Variants in SCN11A observed in about 807,000 individuals in gnomAD.
SCN11A encodes the protein sodium channel protein type 11 subunit alpha.
SCN11A carries 122 observed loss-of-function variants against 162.2 expected under a neutral mutation model. The ratio of observed to expected loss-of-function variants is 0.75; its 90% CI spans 0.65 to 0.87. SCN11A has a LOEUF of 0.87. Among genes scored for constraint, SCN11A ranks in the 40% least tolerant of loss-of-function variants. SCN11A has a pLI of 0.00. For synonymous variants in SCN11A, 758 were observed against 751.5 expected, an observed-to-expected ratio of 1.01 and a Z score of -0.14; for missense variants, 2,015 against 2,181.6, an observed-to-expected ratio of 0.92 and a Z score of 1.52.
At chr3:38,964,159 A>C (rs780361214) in intron 2 of SCN11A, among the ~76,000 whole-genome samples, 3 of 152,202 alleles carry the variant, frequency 2.0e-5, no homozygotes, top group Non-Finnish European at 4.4e-5. Context: ...TCAACAACAG[A>C]CACGTTCAGA....
In SCN11A at chr3:38,899,978, G is replaced by A. The variant is rs1257277372; in HGVS notation, c.1938C>T (p.Ser646=). 6.2e-7 allele frequency: 1 copy of A among 1,613,908 alleles called. No homozygotes were observed. Among genetic ancestry groups the A allele is most frequent in the Non-Finnish European group, 8.5e-7 (1 of 1,179,942 alleles). ...CTGCAAAACTCAGAAGAGCAACAAT[G>A]CTGTCAAAAATGTTCCAGCCTCGGC... The part of the protein sequence containing the change: ...YFRRGWNIFD[S]IVALLSFADV... The change falls in exon 17 of 30, where the codon AGC becomes AGT. Residue 646 remains serine (S), a synonymous_variant. Coordinates refer to ENST00000302328, the MANE Select transcript of SCN11A (RefSeq NM_001349253.2).
At chr3:39,036,238 G>A (rs1379924141) in intron 1 of SCN11A, among the ~76,000 whole-genome samples, 1 of 152,126 alleles carries the variant, frequency 6.6e-6, no homozygotes, top group East Asian at 1.9e-4. Flanking sequence ...CCGCCTCCCA[G>A]GTTCAAGAGA....
At chr3:39,048,232 G>A (rs1357891474) in intron 1 of SCN11A, among the ~76,000 whole-genome samples, 4 of 152,154 alleles carry the variant, frequency 2.6e-5, no homozygotes, top group South Asian at 2.1e-4. Flanking sequence ...GGATAGCACC[G>A]GAGGTCATTA....
At chr3:38,910,264 T>G in intron 11 of SCN11A, 57 bp from the exon 12 acceptor site, 1 of 1,545,930 alleles carries the variant, frequency 6.5e-7, no homozygotes, top group Non-Finnish European at 8.8e-7. Context: ...AAGCTTCTTT[T>G]TCCTTCCAAC....
intron 1 of SCN11A, among the ~76,000 whole-genome samples, chr3:39,039,259 T>A (rs893451873): frequency 6.6e-6 from 1 of 152,230 alleles, no homozygotes; most frequent in Non-Finnish European, 1.5e-5. Flanking sequence ...TTTCAGAGAA[T>A]GGAAGTCTAA....
At chr3:38,932,521 T>C (rs1325926620) in intron 7 of SCN11A, among the ~76,000 whole-genome samples, 1 of 152,198 alleles carries the variant, frequency 6.6e-6, no homozygotes, top group African/African-American at 2.4e-5. Context: ...CCCACCCCAA[T>C]ACTGCGCTTT....
intron 23 of SCN11A, among the ~76,000 whole-genome samples, chr3:38,874,071 T>C (rs2065171307): frequency 6.6e-6 from 1 of 152,182 alleles, no homozygotes; most frequent in Admixed American, 6.5e-5. Context: ...ATGCAAGAGT[T>C]CTCCTTGGAT....
At chr3:38,960,801 A>G (rs1240786466) in intron 2 of SCN11A, among the ~76,000 whole-genome samples, 1 of 152,108 alleles carries the variant, frequency 6.6e-6, no homozygotes, top group African/African-American at 2.4e-5. Context: ...TCCATTTGGC[A>G]TCTCCTCCTT....
intron 2 of SCN11A, among the ~76,000 whole-genome samples, chr3:39,014,229 T>G (rs894615796): frequency 6.6e-6 from 1 of 152,204 alleles, no homozygotes; most frequent in African/African-American, 2.4e-5. Flanking sequence ...AATTCGTGAT[T>G]CCAGACATGG....
At chr3:38,935,844 A>T (rs564266318) in intron 7 of SCN11A, among the ~76,000 whole-genome samples, 1 of 152,338 alleles carries the variant, frequency 6.6e-6, no homozygotes, top group South Asian at 2.1e-4. Flanking sequence ...ATAGAAAAAG[A>T]GGGACTCCTC....
chr3:38,950,057 ACCCCCAC>A, intron 5 of SCN11A, 32 bp downstream of exon 5: 7 of 100,338 alleles, frequency 7.0e-5, no homozygotes, highest in Admixed American at 4.2e-4. Flanking sequence ...TGGTTAGAAC[ACCCCCAC>A]CCCCACCCCC....
rs539809282 is a variant in SCN11A, at chr3:39,046,121, G to A, written c.-404+5740C>T. ...CTAAAAATACAAAAATTAGCTGGGC[G>A]TGGTGGCACGGGCCTGTAATCTCAG... On this transcript the variant is annotated intron_variant, in intron 1 of 29. Transcript: ENST00000302328. 3.3e-5 allele frequency among the ~76,000 whole-genome samples: 5 copies of A among 152,232 alleles called. No individual in the cohort carries two copies. In the South Asian group the frequency reaches 6.2e-4, roughly 19 times the overall value.
rs570215885 is a variant in SCN11A at position 38,883,093 on chromosome 3, GCCCACTGCGGGAACCA to G, written c.3219+124_3219+139del. Reference sequence around the variant, plus strand: ...GATTTCAGAAGCTGTGCAAAACCCTGCCCACTGCGGGAACCAGCAGCATCAGAGACCACTTCTGTCT... The same window carrying G: ...GATTTCAGAAGCTGTGCAAAACCCTGGCAGCATCAGAGACCACTTCTGTCT... On this transcript the variant is annotated intron_variant, in intron 22 of 29. Coordinates refer to ENST00000302328, the MANE Select transcript of SCN11A (RefSeq NM_001349253.2). 66 of 679,650 alleles carry G rather than the reference GCCCACTGCGGGAACCA, an allele frequency of 9.7e-5. No individual in the cohort carries two copies. The East Asian group carries it at 1.0e-3, about 10-fold the overall frequency. The allele number at this position is 679,650 out of a possible 1,614,324, so 42.1% of individuals were successfully genotyped here.
chr3:38,992,126 G>A (rs1359677074), intron 2 of SCN11A, among the ~76,000 whole-genome samples: 1 of 152,174 alleles, frequency 6.6e-6, no homozygotes, highest in Non-Finnish European at 1.5e-5. Flanking sequence ...TCTTTAGATT[G>A]CAAATAACTC....
chr3:39,024,545 G>A (rs1248586146), intron 2 of SCN11A, among the ~76,000 whole-genome samples: 2 of 152,186 alleles, frequency 1.3e-5, no homozygotes, highest in Non-Finnish European at 2.9e-5. Context: ...TAGAATCCCT[G>A]TTCCCCAAGG....
At chr3:38,883,554 A>G (rs2065346066) in intron 21 of SCN11A, among the ~76,000 whole-genome samples, 167 bp from the exon 22 acceptor site, 1 of 152,208 alleles carries the variant, frequency 6.6e-6, no homozygotes, top group Non-Finnish European at 1.5e-5. Context: ...GGTCCCTGCC[A>G]TGTGACTTGC....
At chr3:38,954,650 A>G (rs1575333395) in intron 3 of SCN11A, among the ~76,000 whole-genome samples, 1 of 151,788 alleles carries the variant, frequency 6.6e-6, no homozygotes, top group African/African-American at 2.4e-5. Flanking sequence ...AAACAAACAA[A>G]CAAAAAAACA....
At position 38,846,287 on chromosome 3, in the gene SCN11A, T is replaced by C. The variant is rs769030808; in HGVS notation, c.*407A>G. 11 of 169,560 alleles carry C rather than the reference T, an allele frequency of 6.5e-5. 1 individual carries two copies. Among genetic ancestry groups the C allele is most frequent in the Non-Finnish European group, 1.0e-4 (8 of 76,980 alleles). The allele number at this position is 169,560 out of a possible 1,614,324, so 10.5% of individuals were successfully genotyped here. ...CGCCACCATGCCCAGCTAATTTTTG[T>C]ATTTTTAGTAGAGACGGAGTTTCAT... On this transcript the variant is annotated 3_prime_UTR_variant, in exon 30 of 30. Transcript: ENST00000302328.
At chr3:39,024,569 C>T (rs892277108) in intron 2 of SCN11A, among the ~76,000 whole-genome samples, 5 of 152,216 alleles carry the variant, frequency 3.3e-5, no homozygotes, top group African/African-American at 1.2e-4. Context: ...GTCACAGAAA[C>T]CAGAACCCCT....
Sources: gnomAD v4.1 joint callset for allele counts (sites outside exome capture counted in the v4.1 genomes callset) on GRCh38, gnomAD v4.1.1 for gene constraint, MANE v1.5 for transcripts, NCBI Gene and HGNC (gene_info 2026-07-23, HGNC 2026-07-21) for gene names.